SLC35F3: variants seen among roughly 807,000 people sequenced by gnomAD.
SLC35F3 encodes the protein putative thiamine transporter SLC35F3.
A neutral mutation model predicts 49.9 loss-of-function variants in SLC35F3; 25 were observed. The ratio of observed to expected loss-of-function variants is 0.50; its 90% CI spans 0.37 to 0.70. The LOEUF (loss-of-function observed/expected upper bound fraction) is 0.70, where lower values mean the gene tolerates loss of function less well. Ranked by LOEUF, SLC35F3 falls within the 30% of genes least tolerant of loss-of-function variation. The probability of loss-of-function intolerance (pLI) is 0.00; values close to 1 mark genes in which losing one functional copy is unlikely to be tolerated. For missense variants in SLC35F3, 525 were observed against 639.8 expected, an observed-to-expected ratio of 0.82 and a Z score of 1.94; for synonymous variants, 275 against 265.4, an observed-to-expected ratio of 1.04 and a Z score of -0.35.
chr1:234,161,978 C>T (rs546802995), intron 2 of SLC35F3, among the ~76,000 whole-genome samples: 4 of 152,218 alleles, frequency 2.6e-5, no homozygotes, highest in African/African-American at 7.2e-5. Context: ...TGCCCCAGTT[C>T]GTATCTAAGC....
At chr1:233,983,186 C>T (rs1009939689) in intron 2 of SLC35F3, among the ~76,000 whole-genome samples, 4 of 152,122 alleles carry the variant, frequency 2.6e-5, no homozygotes, top group Non-Finnish European at 5.9e-5. Flanking sequence ...CGCCCTCCCT[C>T]TCTATCTCTC....
At chr1:234,269,039 G>A (rs182245514) in intron 3 of SLC35F3, among the ~76,000 whole-genome samples, 240 of 152,256 alleles carry the variant, frequency 1.6e-3, no homozygotes, top group African/African-American at 5.5e-3. Flanking sequence ...TTGGGGAAAA[G>A]GAAGGACTCA....
At chr1:234,079,604 C>T (rs1572043816) in intron 2 of SLC35F3, among the ~76,000 whole-genome samples, 1 of 152,068 alleles carries the variant, frequency 6.6e-6, no homozygotes, top group Non-Finnish European at 1.5e-5. Context: ...TTTAAGTAAG[C>T]ATTTATCTCA....
intron 2 of SLC35F3, among the ~76,000 whole-genome samples, chr1:234,188,955 A>G (rs994953239): frequency 3.3e-5 from 5 of 152,074 alleles, no homozygotes; most frequent in Admixed American, 1.3e-4. Flanking sequence ...AGAAATAACA[A>G]TTACTACCGT....
intron 2 of SLC35F3, among the ~76,000 whole-genome samples, chr1:234,140,369 G>A (rs1313017904): frequency 6.6e-6 from 1 of 151,966 alleles, no homozygotes; most frequent in Non-Finnish European, 1.5e-5. Flanking sequence ...TTTATTATAG[G>A]ATATTATTAT....
chr1:234,107,021 C>CA (rs1453482809), intron 2 of SLC35F3, among the ~76,000 whole-genome samples: 2 of 152,202 alleles, frequency 1.3e-5, no homozygotes, highest in Admixed American at 1.3e-4. Flanking sequence ...CAACCAAACT[C>CA]AAAATCTCAG....
chr1:234,211,894 T>G (rs899396989), intron 2 of SLC35F3, among the ~76,000 whole-genome samples: 1 of 152,206 alleles, frequency 6.6e-6, no homozygotes, highest in Non-Finnish European at 1.5e-5. Context: ...GGTTTGGCAG[T>G]GTCCCCACCC....
chr1:234,108,340 TA>T (rs1301297102), intron 2 of SLC35F3, among the ~76,000 whole-genome samples: 6 of 115,960 alleles, frequency 5.2e-5, no homozygotes, highest in Non-Finnish European at 8.4e-5. Flanking sequence ...TTTATATATA[TA>T]AAAGATATAT....
chr1:233,944,705 AG>A (rs1192379784), intron 2 of SLC35F3, among the ~76,000 whole-genome samples: 4 of 152,216 alleles, frequency 2.6e-5, no homozygotes, highest in Admixed American at 6.5e-5. Flanking sequence ...CTGGTATGAA[AG>A]GGTTGGATTT....
At chr1:234,050,127 A>T (rs1238651165) in intron 2 of SLC35F3, among the ~76,000 whole-genome samples, 5 of 152,172 alleles carry the variant, frequency 3.3e-5, no homozygotes, top group Non-Finnish European at 7.3e-5. Context: ...TAGCAGCATG[A>T]CTTATAATCC....
chr1:233,983,855 T>G (rs1027170253), intron 2 of SLC35F3, among the ~76,000 whole-genome samples: 5 of 152,226 alleles, frequency 3.3e-5, no homozygotes, highest in Non-Finnish European at 7.3e-5. Context: ...TGAGCATTTG[T>G]GAGTTTCCTT....
chr1:234,107,752 A>G lies in SLC35F3; in HGVS notation c.284-123665A>G, dbSNP rs190261170. Reference sequence around the variant, plus strand: ...CTATAAAAGAAGTTTTACAAATCAAATGAGAAAGCATTAAAAGACAGCTCG... The same window carrying G: ...CTATAAAAGAAGTTTTACAAATCAAGTGAGAAAGCATTAAAAGACAGCTCG... On this transcript the variant is annotated intron_variant, in intron 2 of 7. Coordinates refer to ENST00000366618, the MANE Select transcript of SLC35F3 (RefSeq NM_173508.4). 1.5e-3 allele frequency among the ~76,000 whole-genome samples: 234 copies of G among 152,278 alleles called. 3 individuals are homozygous for G. In the South Asian group the frequency reaches 0.02, roughly 13 times the overall value.
intron 2 of SLC35F3, among the ~76,000 whole-genome samples, chr1:233,906,753 A>T (rs1661784330): frequency 1.3e-5 from 2 of 151,822 alleles, no homozygotes; most frequent in South Asian, 4.2e-4. Flanking sequence ...AATCATATTC[A>T]TCACTAAAAA....
At position 234,225,449 on chromosome 1, in the gene SLC35F3, A is replaced by G. The variant is rs78116385; in HGVS notation, c.284-5968A>G. Among the ~76,000 whole-genome samples, 1,248 of 152,298 alleles carry G rather than the reference A, an allele frequency of 8.2e-3. 18 individuals carry two copies. Among genetic ancestry groups the G allele is most frequent in the African/African-American group, 0.029 (1,192 of 41,530 alleles). ...TCAGACCCTGTCTTTCATGCAGTCT[A>G]GGAAAAAGGGGCAGGAGTTGAGGGA... On this transcript the variant is annotated intron_variant, in intron 2 of 7. Transcript: ENST00000366618.
intron 2 of SLC35F3, among the ~76,000 whole-genome samples, chr1:233,978,354 T>C (rs1004382244): frequency 6.6e-6 from 1 of 152,238 alleles, no homozygotes; most frequent in African/African-American, 2.4e-5. Flanking sequence ...ATTGATTTCT[T>C]ATTTTACAAA....
chr1:234,130,298 A>G (rs1372717530), intron 2 of SLC35F3, among the ~76,000 whole-genome samples: 9 of 152,164 alleles, frequency 5.9e-5, no homozygotes, highest in Non-Finnish European at 1.2e-4. Context: ...AAATTCATAC[A>G]TAAATCACAC....
chr1:234,002,728 C>A (rs1663572419), intron 2 of SLC35F3, among the ~76,000 whole-genome samples: 1 of 152,150 alleles, frequency 6.6e-6, no homozygotes, highest in Non-Finnish European at 1.5e-5. Flanking sequence ...GCATAGCCCA[C>A]CCTTAAGGAG....
Position 234,000,805 on chromosome 1 carries a change from C to T in SLC35F3, c.283+95047C>T, listed in dbSNP as rs1230540141. ...AGGGCTTGTAGGGGACAGGCCAGAG[C>T]GGGTGTGGAGCTGTTGGGGAAGCTA... is the stretch of plus-strand genomic sequence containing the variant. On this transcript the variant is annotated intron_variant, in intron 2 of 7. Transcript: ENST00000366618. Among the ~76,000 whole-genome samples the T allele has an allele frequency of 3.3e-5, 5 of 152,230 alleles. No homozygotes were observed. In the South Asian group the frequency reaches 6.2e-4, roughly 19 times the overall value.
intron 2 of SLC35F3, among the ~76,000 whole-genome samples, chr1:234,094,677 A>T (rs1558227671): frequency 6.6e-6 from 1 of 152,156 alleles, no homozygotes; most frequent in Non-Finnish European, 1.5e-5. Flanking sequence ...CTATCTCTAC[A>T]GTTTCTGAAG....
Sources: allele counts gnomAD v4.1 joint callset (sites outside exome capture counted in the v4.1 genomes callset), GRCh38; gene constraint gnomAD v4.1.1; transcripts MANE v1.5; gene names NCBI Gene and HGNC (gene_info 2026-07-23, HGNC 2026-07-21).